The following CORO2B variants were observed in gnomAD, a reference collection of about 807,000 sequenced individuals.
The protein encoded by CORO2B is coronin-2B.
A neutral mutation model predicts 58.8 loss-of-function variants in CORO2B; 26 were observed. The ratio of observed to expected loss-of-function variants is 0.44; its 90% CI spans 0.32 to 0.61. The LOEUF (loss-of-function observed/expected upper bound fraction) is 0.61, where lower values mean the gene tolerates loss of function less well. CORO2B is among the 20% of genes least tolerant of loss of function. The pLI, the probability that CORO2B is intolerant of heterozygous loss-of-function variation, is 0.04. For missense variants in CORO2B, 460 were observed against 645.1 expected (o/e 0.71, Z 3.11); for synonymous variants, 242 against 253.8 (o/e 0.95, Z 0.44).
intron 1 of CORO2B, among the ~76,000 whole-genome samples, chr15:68,612,565 C>T (rs1485315125): frequency 6.6e-6 from 1 of 152,176 alleles, no homozygotes; most frequent in Non-Finnish European, 1.5e-5. Context: ...ATTTTTCATA[C>T]CCTTGAGTTC....
In CORO2B at chr15:68,709,459, GTTT is replaced by G. The variant is rs57604810; in HGVS notation, c.334-1254_334-1252del. ...ATTTTCGAAAAGATTTTTTTTTCGT[GTTT>G]TTTTTTTTTTTTTTTTTTAGACAGA... On this transcript the variant is annotated intron_variant, in intron 3 of 11. Transcript: ENST00000261861. Among the ~76,000 whole-genome samples the G allele has an allele frequency of 2.5e-3, 245 of 99,042 alleles. 2 individuals carry two copies. The highest frequency in any genetic ancestry group is 0.019 in the Middle Eastern group (4 of 210). The allele number at this position is 99,042 out of a possible 152,430, so 65.0% of individuals were successfully genotyped here.
intron 1 of CORO2B, among the ~76,000 whole-genome samples, chr15:68,582,448 C>T (rs1015450965): frequency 7.2e-5 from 11 of 152,120 alleles, no homozygotes; most frequent in South Asian, 4.1e-4. Flanking sequence ...CAGCTCGGGG[C>T]GAGGGAGCCA....
chr15:68,527,785 A>G, the CORO2B span, among the ~76,000 whole-genome samples: 1 of 152,100 alleles, frequency 6.6e-6, no homozygotes, highest in African/African-American at 2.4e-5. Context: ...CTCTCCCTTT[A>G]TTTAGTTCTT....
At chr15:68,549,039 TAA>T in the CORO2B span, among the ~76,000 whole-genome samples, 20 of 151,656 alleles carry the variant, frequency 1.3e-4, no homozygotes, top group South Asian at 6.2e-4. Flanking sequence ...TCCCAAACCA[TAA>T]AGATACTCCT....
In CORO2B at chr15:68,711,538, G is replaced by T. The variant is rs368489169; in HGVS notation, c.484-4G>T. 1 of 1,609,260 alleles carries T rather than the reference G, an allele frequency of 6.2e-7. No homozygotes were observed. The highest frequency in any genetic ancestry group is 1.7e-5 in the Admixed American group (1 of 59,344). ...CCCTGCCTCCCATGCATCTGCCCTC[G>T]CAGGTCCTCATCTGGAACCTGGATG... is the stretch of plus-strand genomic sequence containing the variant. On this transcript the variant is annotated splice_region_variant and splice_polypyrimidine_tract_variant and intron_variant, in intron 4 of 11. Transcript: ENST00000261861.
At chr15:68,578,939 G>T, upstream of CORO2B, 1 of 693,158 alleles carries the variant, frequency 1.4e-6, no homozygotes, top group Non-Finnish European at 1.8e-6. The surrounding 1 kb of genome is among the most constrained non-coding windows in gnomAD (Gnocchi z 4.2). Flanking sequence ...GCGAGTTCCC[G>T]GCCCCTCTTC....
upstream of CORO2B, chr15:68,578,975 C>G: frequency 2.1e-6 from 2 of 971,628 alleles, no homozygotes; most frequent in Non-Finnish European, 2.4e-6. This position sits in a 1 kb window ranked among gnomAD's most constrained non-coding sequence, Gnocchi z 4.2. Context: ...AGCCCGGGCC[C>G]TCTCCCTCTC....
intron 2 of CORO2B, among the ~76,000 whole-genome samples, chr15:68,646,583 A>G (rs951508143): frequency 3.3e-5 from 5 of 152,222 alleles, no homozygotes; most frequent in Admixed American, 1.3e-4. Flanking sequence ...AGAGAGGTCC[A>G]AGGAGCATGC....
chr15:68,601,828 C>T (rs1163135091), intron 1 of CORO2B, among the ~76,000 whole-genome samples: 1 of 152,140 alleles, frequency 6.6e-6, no homozygotes, highest in Non-Finnish European at 1.5e-5. Flanking sequence ...TAATAAAACA[C>T]CTGAGCCATT....
intron 2 of CORO2B, among the ~76,000 whole-genome samples, chr15:68,653,029 C>T (rs966491083): frequency 6.6e-6 from 1 of 152,126 alleles, no homozygotes. Context: ...TTTTGGAAGC[C>T]GAGAGAGTAG....
intron 1 of CORO2B, among the ~76,000 whole-genome samples, chr15:68,609,861 G>A (rs1348617411): frequency 1.3e-5 from 2 of 152,156 alleles, no homozygotes; most frequent in Non-Finnish European, 2.9e-5. Flanking sequence ...GGTGGGCTGG[G>A]GTAGGGGAGC....
chr15:68,578,212 A>G (rs1899325461), upstream of CORO2B, among the ~76,000 whole-genome samples: 1 of 152,104 alleles, frequency 6.6e-6, no homozygotes, highest in Non-Finnish European at 1.5e-5. This position sits in a 1 kb window ranked among gnomAD's most constrained non-coding sequence, Gnocchi z 4.2. Flanking sequence ...TTATCACTCC[A>G]CCAGTAGAGC....
At chr15:68,650,298 G>A (rs933522492) in intron 2 of CORO2B, among the ~76,000 whole-genome samples, 2 of 143,828 alleles carry the variant, frequency 1.4e-5, no homozygotes, top group African/African-American at 5.2e-5. Flanking sequence ...CGGAGGTTGC[G>A]GTGAGCTGAG....
chr15:68,718,002 C>G (rs1016068031), intron 8 of CORO2B, among the ~76,000 whole-genome samples: 1 of 152,136 alleles, frequency 6.6e-6, no homozygotes, highest in Non-Finnish European at 1.5e-5. Flanking sequence ...CCAAAGGACT[C>G]CTAGATGGAA....
chr15:68,682,978 A>G (rs903049028), intron 2 of CORO2B, among the ~76,000 whole-genome samples: 1 of 152,190 alleles, frequency 6.6e-6, no homozygotes, highest in African/African-American at 2.4e-5. Context: ...CTTGGGCCAA[A>G]TGGCGAACAG....
chr15:68,708,256 ACCAAGAAGGAAAATTTGT>A (rs1484524723), intron 3 of CORO2B, among the ~76,000 whole-genome samples: 2 of 152,006 alleles, frequency 1.3e-5, no homozygotes, highest in Non-Finnish European at 2.9e-5. Flanking sequence ...AGGAGGAGGC[ACCAAGAAGGAAAATTTGT>A]CCAAGGAATT....
intron 1 of CORO2B, among the ~76,000 whole-genome samples, chr15:68,622,918 C>T (rs185228710): frequency 7.2e-5 from 11 of 152,296 alleles, no homozygotes; most frequent in Admixed American, 2.6e-4. Context: ...ATACTTAGCA[C>T]GTGTCTGGTG....
intron 1 of CORO2B, among the ~76,000 whole-genome samples, chr15:68,642,805 A>G (rs10775198): frequency 0.99 from 150,169 of 152,252 alleles, 74,095 homozygotes; most frequent in East Asian, 1. Context: ...AGAGTGAGTC[A>G]GGCCTTAAAG....
intron 2 of CORO2B, among the ~76,000 whole-genome samples, chr15:68,688,529 C>A (rs558570655): frequency 1.4e-3 from 216 of 152,130 alleles, no homozygotes; most frequent in African/African-American, 4.8e-3. Context: ...AAAAAAAAAT[C>A]AAAATCTGAA....
Sources: gnomAD v4.1 joint callset for allele counts (sites outside exome capture counted in the v4.1 genomes callset) on GRCh38, gnomAD v4.1.1 for gene constraint, Gnocchi (gnomAD v3.1) non-coding constraint, MANE v1.5 for transcripts, NCBI Gene and HGNC (gene_info 2026-07-23, HGNC 2026-07-21) for gene names.